BRINP3: variants seen among roughly 807,000 people sequenced by gnomAD.
The protein encoded by BRINP3 is BMP/retinoic acid-inducible neural-specific protein 3.
In BRINP3, 19 loss-of-function variants were observed where a neutral mutation model predicts 71.0. The observed-to-expected ratio is 0.27, with a 90% CI of 0.19 to 0.39. The LOEUF (loss-of-function observed/expected upper bound fraction) is 0.39, where lower values mean the gene tolerates loss of function less well. Among genes scored for constraint, BRINP3 ranks in the 10% least tolerant of loss-of-function variants. The pLI, the probability that BRINP3 is intolerant of heterozygous loss-of-function variation, is 1.00. For synonymous variants in BRINP3, 380 were observed against 337.7 expected (o/e 1.13, Z -1.37); for missense variants, 959 against 940.8 (o/e 1.02, Z -0.25).
chr1:190,302,049 A>C (rs1233654877), intron 2 of BRINP3, among the ~76,000 whole-genome samples: 1 of 151,316 alleles, frequency 6.6e-6, no homozygotes, highest in African/African-American at 2.4e-5. Context: ...AAAAATATAG[A>C]GTTAATCCAC....
At chr1:190,414,341 T>A (rs1672878858) in intron 2 of BRINP3, among the ~76,000 whole-genome samples, 1 of 152,106 alleles carries the variant, frequency 6.6e-6, no homozygotes, top group Non-Finnish European at 1.5e-5. Context: ...CACTGTGTTT[T>A]TTTTTTGTTG....
intron 2 of BRINP3, among the ~76,000 whole-genome samples, chr1:190,383,138 A>G (rs2102260345): frequency 6.6e-6 from 1 of 152,244 alleles, no homozygotes; most frequent in Middle Eastern, 3.4e-3. Flanking sequence ...TCAGGAAAGT[A>G]TCTAACTGGG....
At chr1:190,268,584 A>C (rs1661845098) in intron 3 of BRINP3, among the ~76,000 whole-genome samples, 1 of 152,188 alleles carries the variant, frequency 6.6e-6, no homozygotes, top group Admixed American at 6.6e-5. Flanking sequence ...TGCAGATTAG[A>C]ATCACAGTGT....
chr1:190,302,231 G>A (rs889437234), intron 2 of BRINP3, among the ~76,000 whole-genome samples: 1 of 147,262 alleles, frequency 6.8e-6, no homozygotes, highest in African/African-American at 2.5e-5. Context: ...GACAAGAAGT[G>A]TATATATATA....
At chr1:190,380,925 C>T (rs913174261) in intron 2 of BRINP3, among the ~76,000 whole-genome samples, 4 of 152,054 alleles carry the variant, frequency 2.6e-5, no homozygotes, top group African/African-American at 7.2e-5. Flanking sequence ...CATTTTATCC[C>T]TCCTCATTAT....
At chr1:190,188,966 T>C (rs1476569559) in intron 6 of BRINP3, among the ~76,000 whole-genome samples, 1 of 152,104 alleles carries the variant, frequency 6.6e-6, no homozygotes, top group Non-Finnish European at 1.5e-5. Context: ...CTCACCTTAT[T>C]GGCCAGACTG....
chr1:190,296,437 A>G (rs1664260633), intron 2 of BRINP3, among the ~76,000 whole-genome samples: 1 of 152,112 alleles, frequency 6.6e-6, no homozygotes, highest in Non-Finnish European at 1.5e-5. Context: ...AATAAGGATT[A>G]TATATGACAA....
chr1:190,215,368 T>C (rs933225632), intron 6 of BRINP3, among the ~76,000 whole-genome samples: 1 of 151,834 alleles, frequency 6.6e-6, no homozygotes, highest in Non-Finnish European at 1.5e-5. Context: ...AGAATGAACA[T>C]TGAGCAACCG....
chr1:190,269,991 C>G (rs1207158409), intron 3 of BRINP3, among the ~76,000 whole-genome samples: 1 of 151,970 alleles, frequency 6.6e-6, no homozygotes, highest in African/African-American at 2.4e-5. Flanking sequence ...TAGGAATAAA[C>G]TAGGTTACAA....
intron 7 of BRINP3, among the ~76,000 whole-genome samples, chr1:190,145,894 C>A (rs569641838): frequency 6.6e-6 from 1 of 152,160 alleles, no homozygotes; most frequent in Non-Finnish European, 1.5e-5. Flanking sequence ...AGAATAATGT[C>A]TTTTGCAGCA....
intron 6 of BRINP3, among the ~76,000 whole-genome samples, chr1:190,198,197 C>T (rs1654666804): frequency 6.6e-6 from 1 of 152,132 alleles, no homozygotes; most frequent in Non-Finnish European, 1.5e-5. Context: ...GGCCCTGGAC[C>T]CAGCCCAGAA....
Position 190,414,269 on chromosome 1 carries a change from G to A in BRINP3, c.236+40386C>T, listed in dbSNP as rs1260605590. ...GGTATTGAGCCCAGTGAAGTGCCAT[G>A]TGTACTCTGGTGCAGTTTTTTTTAA... On this transcript the variant is annotated intron_variant, in intron 2 of 7. Transcript: ENST00000367462. Among the ~76,000 whole-genome samples the A allele has an allele frequency of 2.0e-5, 3 of 151,928 alleles. No individual in the cohort carries two copies. In the East Asian group the frequency reaches 5.8e-4, roughly 29 times the overall value.
intron 4 of BRINP3, among the ~76,000 whole-genome samples, chr1:190,244,609 G>A (rs1659415931): frequency 6.6e-6 from 1 of 152,224 alleles, no homozygotes; most frequent in Non-Finnish European, 1.5e-5. Flanking sequence ...ATCACAGCTA[G>A]CAGTGCACAC....
At chr1:190,168,633 C>G (rs1156231538) in intron 6 of BRINP3, among the ~76,000 whole-genome samples, 1 of 152,118 alleles carries the variant, frequency 6.6e-6, no homozygotes, top group Admixed American at 6.6e-5. Context: ...AGTGAAGCTT[C>G]CTGTTTCTGC....
chr1:190,233,124 T>A (rs1348860941), intron 5 of BRINP3, among the ~76,000 whole-genome samples: 1 of 152,124 alleles, frequency 6.6e-6, no homozygotes. Context: ...ATTAATTTTT[T>A]TTTAATTTTT....
chr1:190,189,152 C>T (rs770814995), intron 6 of BRINP3, among the ~76,000 whole-genome samples: 5 of 152,072 alleles, frequency 3.3e-5, no homozygotes, highest in African/African-American at 4.8e-5. Context: ...ATGATGCTGG[C>T]CTTGTTAAGT....
intron 6 of BRINP3, among the ~76,000 whole-genome samples, chr1:190,178,889 T>C (rs2102527527): frequency 6.6e-6 from 1 of 152,278 alleles, no homozygotes; most frequent in Admixed American, 6.5e-5. Context: ...TAGGTTTTAT[T>C]TTATACAGAA....
At chr1:190,276,253 A>G (rs1558136047) in intron 3 of BRINP3, among the ~76,000 whole-genome samples, 1 of 151,646 alleles carries the variant, frequency 6.6e-6, no homozygotes. Flanking sequence ...GATTAACTTT[A>G]TTATGTTATA....
At chr1:190,130,189 C>T (rs1249720249) in intron 7 of BRINP3, among the ~76,000 whole-genome samples, 1 of 151,942 alleles carries the variant, frequency 6.6e-6, no homozygotes, top group African/African-American at 2.4e-5. Flanking sequence ...AGCTGTTTGA[C>T]TATATGCCTC....
Sources: allele counts gnomAD v4.1 joint callset (sites outside exome capture counted in the v4.1 genomes callset), GRCh38; gene constraint gnomAD v4.1.1; transcripts MANE v1.5; gene names NCBI Gene and HGNC (gene_info 2026-07-23, HGNC 2026-07-21).